The following CDH13 variants were observed in gnomAD, a reference collection of about 807,000 sequenced individuals.
The protein encoded by CDH13 is cadherin-13.
In CDH13, 24 loss-of-function variants were observed where a neutral mutation model predicts 63.8. The ratio of observed to expected loss-of-function variants is 0.38; its 90% CI spans 0.27 to 0.53. The LOEUF (loss-of-function observed/expected upper bound fraction) is 0.53, where lower values mean the gene tolerates loss of function less well. Among genes scored for constraint, CDH13 ranks in the 20% least tolerant of loss-of-function variants. CDH13 has a pLI of 0.85. For missense variants in CDH13, 1,049 were observed against 903.1 expected (o/e 1.16, Z -2.07); for synonymous variants, 503 against 355.3 (o/e 1.42, Z -4.67).
At chr16:83,263,104 G>A (rs916979973) in intron 5 of CDH13, among the ~76,000 whole-genome samples, 3 of 152,184 alleles carry the variant, frequency 2.0e-5, no homozygotes, top group African/African-American at 4.8e-5. Flanking sequence ...AAACAAGGAG[G>A]GAGAGATGGA....
At chr16:83,762,937 A>C (rs1567579774) in intron 11 of CDH13, among the ~76,000 whole-genome samples, 1 of 152,198 alleles carries the variant, frequency 6.6e-6, no homozygotes, top group African/African-American at 2.4e-5. Context: ...AGAAAGACGA[A>C]AACAAAAGGT....
At chr16:83,243,905 A>G (rs17750019) in intron 5 of CDH13, among the ~76,000 whole-genome samples, 14,335 of 152,226 alleles carry the variant, frequency 0.094, 999 homozygotes, top group Non-Finnish European at 0.14. Flanking sequence ...AAAGAGTAAC[A>G]TCACCATTTG....
intron 6 of CDH13, among the ~76,000 whole-genome samples, chr16:83,434,997 A>ATG (rs386385261): frequency 8.9e-6 from 1 of 112,294 alleles, no homozygotes; most frequent in Non-Finnish European, 1.9e-5. Context: ...ATATATATAT[A>ATG]TGTATATATA....
chr16:83,346,095 G>A (rs1365121448), intron 6 of CDH13, among the ~76,000 whole-genome samples: 1 of 152,040 alleles, frequency 6.6e-6, no homozygotes, highest in Non-Finnish European at 1.5e-5. Flanking sequence ...ATCCCCCAAG[G>A]GCAAGAGCGA....
chr16:83,120,952 C>T (rs1392612600), intron 3 of CDH13, among the ~76,000 whole-genome samples: 3 of 151,740 alleles, frequency 2.0e-5, no homozygotes, highest in Non-Finnish European at 2.9e-5. Flanking sequence ...TTGGTAGAGA[C>T]GGGGTTTCAC....
At chr16:83,734,064 T>C (rs931670305) in intron 10 of CDH13, among the ~76,000 whole-genome samples, 33 of 152,128 alleles carry the variant, frequency 2.2e-4, no homozygotes, top group African/African-American at 7.7e-4. Flanking sequence ...CCTCCCCTCC[T>C]GTGACCATCC....
intron 4 of CDH13, among the ~76,000 whole-genome samples, chr16:83,200,086 G>A (rs530869953): frequency 2.0e-5 from 3 of 152,210 alleles, no homozygotes; most frequent in South Asian, 2.1e-4. Flanking sequence ...TGATTCACAC[G>A]GTGCTGATAC....
Position 83,281,555 on chromosome 16 carries a change from G to A in CDH13, c.637-63307G>A, listed in dbSNP as rs529157818. ...TTTCCTTTGCATTCATAATTCAGCT[G>A]TTTGGTACAAGAGGTCTGGCTTTCA... is the stretch of plus-strand genomic sequence containing the variant. On this transcript the variant is annotated intron_variant, in intron 5 of 13. Transcript: ENST00000567109. 2.0e-5 allele frequency among the ~76,000 whole-genome samples: 3 copies of A among 152,282 alleles called. No homozygotes were observed. In the South Asian group the frequency reaches 6.2e-4, roughly 32 times the overall value.
intron 6 of CDH13, among the ~76,000 whole-genome samples, chr16:83,439,908 A>T (rs886096101): frequency 9.2e-5 from 14 of 152,216 alleles, no homozygotes; most frequent in African/African-American, 3.4e-4. Flanking sequence ...AATTCTATGT[A>T]AAAAATTCTA....
At chr16:83,704,644 C>CT (rs1906736649) in intron 10 of CDH13, among the ~76,000 whole-genome samples, 2 of 152,200 alleles carry the variant, frequency 1.3e-5, no homozygotes, top group African/African-American at 4.8e-5. Flanking sequence ...GTACTCCTTC[C>CT]TTGCCAATTA....
intron 1 of CDH13, among the ~76,000 whole-genome samples, chr16:82,853,306 T>G (rs916007770): frequency 6.6e-6 from 1 of 152,166 alleles, no homozygotes; most frequent in East Asian, 1.9e-4. Flanking sequence ...ACTGAACAGT[T>G]TTTTAGTAAC....
chr16:83,120,750 T>C (rs956827931), intron 3 of CDH13, among the ~76,000 whole-genome samples: 5 of 141,012 alleles, frequency 3.5e-5, no homozygotes, highest in Non-Finnish European at 7.5e-5. Context: ...TACAACGCGC[T>C]CTAATTTTCT....
chr16:83,778,224 T>C (rs1427137320), intron 11 of CDH13, among the ~76,000 whole-genome samples: 2 of 152,232 alleles, frequency 1.3e-5, no homozygotes, highest in East Asian at 1.9e-4. Flanking sequence ...CATTGTTTAA[T>C]GTTTAAGTGA....
chr16:83,426,392 T>C (rs189799309), intron 6 of CDH13, among the ~76,000 whole-genome samples: 11 of 152,262 alleles, frequency 7.2e-5, no homozygotes, highest in African/African-American at 2.4e-5. Flanking sequence ...ACTCTAGTCC[T>C]TGCTAATATG....
chr16:82,890,950 C>A (rs559868613), intron 2 of CDH13, among the ~76,000 whole-genome samples: 1 of 151,862 alleles, frequency 6.6e-6, no homozygotes, highest in African/African-American at 2.4e-5. Flanking sequence ...CTGTGCCTGG[C>A]CGGCAGCAAT....
intron 7 of CDH13, among the ~76,000 whole-genome samples, chr16:83,501,333 TTC>T (rs1428216895): frequency 6.6e-6 from 1 of 152,218 alleles, no homozygotes; most frequent in African/African-American, 2.4e-5. Context: ...TTTAGGTATT[TTC>T]TCTCCCGTGT....
intron 5 of CDH13, among the ~76,000 whole-genome samples, chr16:83,239,908 T>A (rs1221626548): frequency 6.6e-6 from 1 of 152,116 alleles, no homozygotes; most frequent in African/African-American, 2.4e-5. Flanking sequence ...TTGTAGTCTA[T>A]ACATGATGAT....
intron 8 of CDH13, among the ~76,000 whole-genome samples, chr16:83,624,993 G>A (rs531799585): frequency 1.3e-5 from 2 of 152,320 alleles, no homozygotes; most frequent in African/African-American, 4.8e-5. Context: ...CATGTGTGCG[G>A]TGATATCGAG....
At chr16:82,823,037 T>C (rs2038077079) in intron 1 of CDH13, among the ~76,000 whole-genome samples, 2 of 152,172 alleles carry the variant, frequency 1.3e-5, no homozygotes, top group Admixed American at 1.3e-4. Flanking sequence ...TTGACATCTC[T>C]CTATGGTCTC....
Sources: gnomAD v4.1 joint callset for allele counts (sites outside exome capture counted in the v4.1 genomes callset) on GRCh38, gnomAD v4.1.1 for gene constraint, MANE v1.5 for transcripts, NCBI Gene and HGNC (gene_info 2026-07-23, HGNC 2026-07-21) for gene names.